Variants in PDE7A observed in about 807,000 individuals in gnomAD.
PDE7A encodes phosphodiesterase 7A.
In PDE7A, 39 loss-of-function variants were observed where a neutral mutation model predicts 64.3. The ratio of observed to expected loss-of-function variants is 0.61; its 90% confidence interval spans 0.47 to 0.79. The LOEUF (loss-of-function observed/expected upper bound fraction) is 0.79, where lower values mean the gene tolerates loss of function less well. PDE7A is among the 30% of genes least tolerant of loss of function. The pLI, the probability that PDE7A is intolerant of heterozygous loss-of-function variation, is 0.00. For synonymous variants in PDE7A, 203 were observed against 206.8 expected, an observed-to-expected ratio of 0.98 and a Z score of 0.16; for missense variants, 470 against 582.8, an observed-to-expected ratio of 0.81 and a Z score of 1.99.
At chr8:65,723,280 C>T (rs757989629) in intron 12 of PDE7A, 4 of 217,552 alleles carry the variant, frequency 1.8e-5, no homozygotes, top group Non-Finnish European at 3.5e-5. Context: ...TCCACATGAG[C>T]GAATAATGGA....
chr8:65,807,982 G>C (rs993154860), intron 1 of PDE7A, among the ~76,000 whole-genome samples: 8 of 152,138 alleles, frequency 5.3e-5, no homozygotes, highest in African/African-American at 1.9e-4. Context: ...AAGAAATTCT[G>C]GCTGATACAA....
intron 3 of PDE7A, among the ~76,000 whole-genome samples, chr8:65,757,896 T>C (rs1585881401): frequency 6.6e-6 from 1 of 152,166 alleles, no homozygotes; most frequent in South Asian, 2.1e-4. Context: ...GGATTACAGG[T>C]GTGAGCCACC....
intron 5 of PDE7A, among the ~76,000 whole-genome samples, chr8:65,744,549 T>C (rs550775013): frequency 6.6e-6 from 1 of 152,228 alleles, no homozygotes; most frequent in Admixed American, 6.5e-5. Context: ...TGTGGGCATT[T>C]TCCCCCAAAC....
chr8:65,772,448 T>C (rs1018008811), intron 3 of PDE7A, among the ~76,000 whole-genome samples: 2 of 152,190 alleles, frequency 1.3e-5, no homozygotes, highest in African/African-American at 2.4e-5. Flanking sequence ...TTGCCAAGTC[T>C]GAGATTATAG....
chr8:65,794,544 T>C (rs1465335025), intron 1 of PDE7A, among the ~76,000 whole-genome samples: 1 of 152,324 alleles, frequency 6.6e-6, no homozygotes, highest in East Asian at 1.9e-4. Context: ...AGAAATAGGA[T>C]AAATTTTAAA....
At chr8:65,721,762 G>A (rs531324892) in intron 12 of PDE7A, 7 of 150,744 alleles carry the variant, frequency 4.6e-5, no homozygotes, top group East Asian at 3.9e-4. Context: ...GTTGACTACC[G>A]ATTCACCTGT....
intron 1 of PDE7A, among the ~76,000 whole-genome samples, chr8:65,835,529 C>G (rs1214718750): frequency 3.3e-5 from 5 of 152,270 alleles, no homozygotes; most frequent in Non-Finnish European, 7.4e-5. Flanking sequence ...CTTCTTTTCC[C>G]AAACTTGCCC....
At chr8:65,823,663 CAT>C (rs1035266615) in intron 1 of PDE7A, among the ~76,000 whole-genome samples, 1 of 151,966 alleles carries the variant, frequency 6.6e-6, no homozygotes, top group Non-Finnish European at 1.5e-5. Context: ...TCACCTTTAC[CAT>C]ATATTAAAAA....
At chr8:65,780,885 C>T (rs1007940629) in intron 2 of PDE7A, 8 of 152,264 alleles carry the variant, frequency 5.3e-5, no homozygotes, top group Non-Finnish European at 8.8e-5. Context: ...CCAAGGCTCA[C>T]TTCATCGACT....
intron 3 of PDE7A, among the ~76,000 whole-genome samples, chr8:65,757,912 C>A (rs1239536792): frequency 6.6e-6 from 1 of 152,218 alleles, no homozygotes; most frequent in African/African-American, 2.4e-5. Flanking sequence ...CCACCACACC[C>A]AGCCAACTCC....
intron 1 of PDE7A, among the ~76,000 whole-genome samples, chr8:65,830,407 T>C (rs1563523782): frequency 6.6e-6 from 1 of 152,118 alleles, no homozygotes; most frequent in Non-Finnish European, 1.5e-5. Context: ...CCTAGAAGAA[T>C]GGGTGCTACT....
chr8:65,757,018 T>C (rs1297909071), intron 3 of PDE7A, among the ~76,000 whole-genome samples: 1 of 152,162 alleles, frequency 6.6e-6, no homozygotes, highest in Non-Finnish European at 1.5e-5. Flanking sequence ...GGTGCACCAC[T>C]CTCCAGGAAC....
chr8:65,733,300 G>A (rs1329431047), intron 7 of PDE7A, among the ~76,000 whole-genome samples: 2 of 152,210 alleles, frequency 1.3e-5, no homozygotes, highest in Non-Finnish European at 2.9e-5. Context: ...GGAGATGGGA[G>A]TGCAGAAGCC....
At chr8:65,804,675 T>C (rs2128928637) in intron 1 of PDE7A, among the ~76,000 whole-genome samples, 1 of 151,806 alleles carries the variant, frequency 6.6e-6, no homozygotes, top group East Asian at 1.9e-4. Context: ...GTAGCCAGGA[T>C]TACAGGCATG....
chr8:65,778,031 T>C (rs1337868032), intron 3 of PDE7A, among the ~76,000 whole-genome samples: 2 of 152,176 alleles, frequency 1.3e-5, no homozygotes, highest in Admixed American at 1.3e-4. Context: ...GGACCTTAAT[T>C]ACTTTTTCAA....
intron 5 of PDE7A, among the ~76,000 whole-genome samples, chr8:65,742,985 A>G (rs1310642064): frequency 6.6e-6 from 1 of 152,204 alleles, no homozygotes; most frequent in Non-Finnish European, 1.5e-5. Context: ...CATCCAGTGC[A>G]CTGCTGAGCT....
chr8:65,778,530 T>A (rs1585910707), intron 3 of PDE7A, among the ~76,000 whole-genome samples: 1 of 152,190 alleles, frequency 6.6e-6, no homozygotes, highest in Non-Finnish European at 1.5e-5. Flanking sequence ...CCAAACTTGA[T>A]ATATACCCTG....
chr8:65,826,048 C>G (rs968556805), intron 1 of PDE7A, among the ~76,000 whole-genome samples: 1 of 152,098 alleles, frequency 6.6e-6, no homozygotes, highest in Non-Finnish European at 1.5e-5. Context: ...ATGGGAAGAG[C>G]CTGAGTCTGA....
intron 1 of PDE7A, among the ~76,000 whole-genome samples, chr8:65,821,495 C>T (rs1186051424): frequency 2.0e-5 from 3 of 152,314 alleles, no homozygotes; most frequent in Non-Finnish European, 2.9e-5. Context: ...CCAATTTATA[C>T]AGTATCTTGA....
Sources: allele counts gnomAD v4.1 joint callset (sites outside exome capture counted in the v4.1 genomes callset), GRCh38; gene constraint gnomAD v4.1.1; transcripts MANE v1.5; gene names NCBI Gene and HGNC (gene_info 2026-07-23, HGNC 2026-07-21).